Variants in GPC6 observed in about 807,000 individuals in gnomAD.
GPC6 encodes glypican 6, also known as glypican-6.
In GPC6, 14 loss-of-function variants were observed where a neutral mutation model predicts 55.2. That is an observed-to-expected ratio of 0.25 (90% CI 0.17 to 0.40). The LOEUF (loss-of-function observed/expected upper bound fraction) is 0.40. Ranked by LOEUF, GPC6 falls within the 10% of genes least tolerant of loss-of-function variation. GPC6 has a pLI of 1.00. For synonymous variants in GPC6, 278 were observed against 259.6 expected (o/e 1.07, Z -0.68); for missense variants, 641 against 708.5 (o/e 0.90, Z 1.08).
chr13:93,528,860 T>G (rs1278122175), intron 1 of GPC6, among the ~76,000 whole-genome samples: 1 of 152,206 alleles, frequency 6.6e-6, no homozygotes, highest in Non-Finnish European at 1.5e-5. Context: ...TTAAAAATAC[T>G]TTCAAGGAGG....
At chr13:93,579,897 G>T (rs1876855038) in intron 2 of GPC6, among the ~76,000 whole-genome samples, 1 of 152,090 alleles carries the variant, frequency 6.6e-6, no homozygotes, top group Non-Finnish European at 1.5e-5. Flanking sequence ...ATTATCCATA[G>T]ACCCCTAAAA....
intron 4 of GPC6, among the ~76,000 whole-genome samples, chr13:94,168,067 G>A (rs537583000): frequency 5.3e-5 from 8 of 152,286 alleles, no homozygotes; most frequent in East Asian, 1.9e-4. Context: ...AGCAACTTGC[G>A]AGATAGGCAT....
At chr13:93,894,544 A>G (rs1272968643) in intron 3 of GPC6, among the ~76,000 whole-genome samples, 1 of 152,194 alleles carries the variant, frequency 6.6e-6, no homozygotes, top group Non-Finnish European at 1.5e-5. Context: ...GTATTTATGG[A>G]TAGCTGAGTG....
intron 1 of GPC6, among the ~76,000 whole-genome samples, chr13:93,427,013 T>C (rs1343240622): frequency 1.3e-5 from 2 of 150,732 alleles, no homozygotes; most frequent in Admixed American, 1.3e-4. Context: ...TTTTCATGTA[T>C]TTTTTGGCTG....
intron 2 of GPC6, among the ~76,000 whole-genome samples, chr13:93,809,214 C>T (rs1272159546): frequency 6.6e-6 from 1 of 152,182 alleles, no homozygotes; most frequent in African/African-American, 2.4e-5. Context: ...AGTCAGATGG[C>T]TACCTTCCTT....
At chr13:93,325,329 G>T (rs1388064993) in intron 1 of GPC6, among the ~76,000 whole-genome samples, 2 of 152,130 alleles carry the variant, frequency 1.3e-5, no homozygotes, top group Non-Finnish European at 2.9e-5. Flanking sequence ...TATTTTTAAG[G>T]TCTAATGTGG....
At chr13:93,932,557 C>T (rs1038857078) in intron 3 of GPC6, among the ~76,000 whole-genome samples, 3 of 152,148 alleles carry the variant, frequency 2.0e-5, no homozygotes, top group African/African-American at 7.2e-5. Flanking sequence ...TGTTCTACAT[C>T]TTCAAGTAGT....
intron 6 of GPC6, among the ~76,000 whole-genome samples, chr13:94,340,626 A>T (rs1184484432): frequency 6.6e-6 from 1 of 152,266 alleles, no homozygotes; most frequent in African/African-American, 2.4e-5. Flanking sequence ...ATGTATATAA[A>T]GCCAAAGAAG....
intron 4 of GPC6, among the ~76,000 whole-genome samples, chr13:94,065,174 G>T (rs901215781): frequency 6.6e-6 from 1 of 152,122 alleles, no homozygotes; most frequent in African/African-American, 2.4e-5. Context: ...AAAACGCATG[G>T]CATATGCTTT....
chr13:93,842,328 G>A (rs969782035), intron 3 of GPC6, among the ~76,000 whole-genome samples: 2 of 152,008 alleles, frequency 1.3e-5, no homozygotes, highest in East Asian at 1.9e-4. Context: ...CTGCTGCATC[G>A]GTAGAGAGAA....
intron 2 of GPC6, among the ~76,000 whole-genome samples, chr13:93,698,935 G>A (rs1421293639): frequency 6.6e-6 from 1 of 151,982 alleles, no homozygotes; most frequent in Non-Finnish European, 1.5e-5. Flanking sequence ...GGTGGCTTCT[G>A]TTATATTATG....
intron 2 of GPC6, among the ~76,000 whole-genome samples, chr13:93,607,510 A>C (rs1410161419): frequency 6.6e-6 from 1 of 152,028 alleles, no homozygotes; most frequent in Admixed American, 6.6e-5. Flanking sequence ...AATAGGTTGA[A>C]TTTTCCTTCC....
intron 2 of GPC6, among the ~76,000 whole-genome samples, chr13:93,738,326 A>G (rs1884071756): frequency 1.3e-5 from 2 of 152,168 alleles, no homozygotes; most frequent in South Asian, 4.1e-4. Flanking sequence ...GTTGTTCTGA[A>G]TAGTGGTATC....
intron 3 of GPC6, among the ~76,000 whole-genome samples, chr13:93,992,774 C>T (rs1232208678): frequency 6.6e-6 from 1 of 152,102 alleles, no homozygotes; most frequent in Non-Finnish European, 1.5e-5. Flanking sequence ...CTGATGTTGG[C>T]AGTTCCATCA....
At chr13:93,455,402 G>T (rs1878414094) in intron 1 of GPC6, among the ~76,000 whole-genome samples, 2 of 152,044 alleles carry the variant, frequency 1.3e-5, no homozygotes, top group Non-Finnish European at 2.9e-5. Context: ...TTGATGTTTT[G>T]ATCAACTAAC....
intron 4 of GPC6, among the ~76,000 whole-genome samples, chr13:94,254,499 A>G (rs1891447949): frequency 6.6e-6 from 1 of 152,092 alleles, no homozygotes. Context: ...AACCACACGC[A>G]CCTTATCTGT....
rs555732393 is a variant in GPC6, at chr13:94,406,372, C to A, written c.*3155C>A. On this transcript the variant is annotated 3_prime_UTR_variant, in exon 9 of 9. Transcript: ENST00000377047. ...TTTATGGTTCTGTATTGAAGGACAA[C>A]CATGACAACCTTCTGTCATTTTCAC... is the stretch of plus-strand genomic sequence containing the variant. 6.6e-6 allele frequency: 1 copy of A among 152,206 alleles called. No individual in the cohort carries two copies. The highest frequency in any genetic ancestry group is 1.9e-4 in the East Asian group (1 of 5,188). 9.4% of individuals were successfully genotyped at this position (152,206 alleles called of 1,614,324 possible).
intron 1 of GPC6, among the ~76,000 whole-genome samples, chr13:93,316,901 A>C (rs1281459909): frequency 6.6e-6 from 1 of 152,054 alleles, no homozygotes; most frequent in Non-Finnish European, 1.5e-5. Context: ...GTTTTCATTT[A>C]ATTTCTGTAG....
chr13:93,444,317 T>G (rs1877916047), intron 1 of GPC6, among the ~76,000 whole-genome samples: 1 of 151,406 alleles, frequency 6.6e-6, no homozygotes, highest in African/African-American at 2.4e-5. Flanking sequence ...AATTAACTCA[T>G]CATCACGCTA....
Sources: gnomAD v4.1 joint callset for allele counts (sites outside exome capture counted in the v4.1 genomes callset) on GRCh38, gnomAD v4.1.1 for gene constraint, MANE v1.5 for transcripts, NCBI Gene and HGNC (gene_info 2026-07-23, HGNC 2026-07-21) for gene names.